The following PDE3A variants were observed in gnomAD, a reference collection of about 807,000 sequenced individuals.
PDE3A encodes phosphodiesterase 3A, also known as cGMP-inhibited 3',5'-cyclic phosphodiesterase 3A.
Under a neutral mutation model 98.3 loss-of-function variants are expected in PDE3A, and 43 were observed. The ratio of observed to expected loss-of-function variants is 0.44; its 90% CI spans 0.34 to 0.56. The LOEUF is 0.56. Ranked by LOEUF, PDE3A falls within the 20% of genes least tolerant of loss-of-function variation. The probability of loss-of-function intolerance (pLI) is 0.01; values close to 1 mark genes in which losing one functional copy is unlikely to be tolerated. For missense variants in PDE3A, 1,427 were observed against 1,440.7 expected, an observed-to-expected ratio of 0.99 and a Z score of 0.15; for synonymous variants, 663 against 567.9, an observed-to-expected ratio of 1.17 and a Z score of -2.38.
In PDE3A at chr12:20,576,835, A is replaced by G. The variant is rs531053469; in HGVS notation, c.1011+20125A>G. Among the ~76,000 whole-genome samples, 3 of 152,184 alleles carry G rather than the reference A, an allele frequency of 2.0e-5. No individual in the cohort carries two copies. The East Asian group carries it at 5.8e-4, about 29-fold the overall frequency. The stretch of plus-strand genomic sequence containing the variant: ...GATTGGCTTCTCGTTTTTTAAATGG[A>G]ATGTGTCCAGTTGACAGAATACAAG... On this transcript the variant is annotated intron_variant, in intron 2 of 15. Transcript: ENST00000359062.
In PDE3A at chr12:20,684,910, G is replaced by C. The variant is rs1306343004; in HGVS notation, c.*4639G>C. Among the ~76,000 whole-genome samples, 1 of 152,166 alleles carries C rather than the reference G, an allele frequency of 6.6e-6. No individual in the cohort carries two copies. Among genetic ancestry groups the C allele is most frequent in the African/African-American group, 2.4e-5 (1 of 41,432 alleles). On this transcript the variant is annotated 3_prime_UTR_variant, in exon 16 of 16. Transcript: ENST00000359062. ...ACGTATTTGTGTGTTTCACACCAAA[G>C]ACCCATGCTCAGAGAATGGTAACAT...
At chr12:20,568,101 C>T (rs765742560) in intron 2 of PDE3A, among the ~76,000 whole-genome samples, 6 of 151,786 alleles carry the variant, frequency 4.0e-5, no homozygotes, top group Non-Finnish European at 7.4e-5. Context: ...AGTACATCAC[C>T]AACATCATAA....
chr12:20,607,632 C>G (rs1240480015), intron 2 of PDE3A, among the ~76,000 whole-genome samples: 2 of 151,822 alleles, frequency 1.3e-5, no homozygotes, highest in Non-Finnish European at 2.9e-5. Flanking sequence ...GGGAAATACA[C>G]TTGCATTTTC....
chr12:20,484,779 TA>T (rs1235437110), intron 1 of PDE3A, among the ~76,000 whole-genome samples: 1 of 152,188 alleles, frequency 6.6e-6, no homozygotes, highest in Non-Finnish European at 1.5e-5. Flanking sequence ...GGAACATAAC[TA>T]ATAATGGTCA....
At chr12:20,620,482 C>G (rs746942606) in intron 4 of PDE3A, among the ~76,000 whole-genome samples, 61 of 152,010 alleles carry the variant, frequency 4.0e-4, no homozygotes, top group Non-Finnish European at 7.5e-4. Flanking sequence ...ATTTCAGATT[C>G]AACATGTATA....
intron 1 of PDE3A, among the ~76,000 whole-genome samples, chr12:20,372,843 A>G (rs1372834712): frequency 6.6e-6 from 1 of 152,134 alleles, no homozygotes; most frequent in East Asian, 1.9e-4. Context: ...TCCTCTTGAG[A>G]ATTTATTTGC....
intron 4 of PDE3A, 102 bp downstream of exon 4, chr12:20,616,486 T>C (rs1393554330): frequency 1.8e-6 from 2 of 1,119,532 alleles, no homozygotes; most frequent in East Asian, 2.5e-5. Context: ...TTACATTTGG[T>C]TGGAGGTCAG....
At chr12:20,670,965 G>A (rs1450246749) in intron 15 of PDE3A, among the ~76,000 whole-genome samples, 1 of 122,128 alleles carries the variant, frequency 8.2e-6, no homozygotes, top group Non-Finnish European at 1.7e-5. Context: ...GACTAATAAA[G>A]AAAAAAAGAG....
chr12:20,403,366 T>G (rs1944169489), intron 1 of PDE3A, among the ~76,000 whole-genome samples: 1 of 152,192 alleles, frequency 6.6e-6, no homozygotes, highest in African/African-American at 2.4e-5. Context: ...GTTTCTGTTT[T>G]GAAGAAGAAT....
At chr12:20,468,016 C>G (rs566659460) in intron 1 of PDE3A, among the ~76,000 whole-genome samples, 1 of 114,390 alleles carries the variant, frequency 8.7e-6, no homozygotes, top group Non-Finnish European at 1.7e-5. Context: ...TCTTGAAACA[C>G]TTATAAAATT....
At chr12:20,424,085 G>A (rs569270104) in intron 1 of PDE3A, among the ~76,000 whole-genome samples, 1 of 151,740 alleles carries the variant, frequency 6.6e-6, no homozygotes, top group South Asian at 2.1e-4. Context: ...GCAGTTTCAT[G>A]CATAACCGTA....
chr12:20,444,595 A>G (rs570608398), intron 1 of PDE3A, among the ~76,000 whole-genome samples: 74 of 152,296 alleles, frequency 4.9e-4, no homozygotes, highest in Middle Eastern at 3.4e-3. Flanking sequence ...TTGACAACAA[A>G]TTATTGACAT....
chr12:20,662,551 G>A (rs1945199829), intron 15 of PDE3A, among the ~76,000 whole-genome samples: 1 of 152,194 alleles, frequency 6.6e-6, no homozygotes, highest in African/African-American at 2.4e-5. Flanking sequence ...CAAGGAAACT[G>A]GTGGCATTTT....
chr12:20,431,730 T>A (rs1009796481), intron 1 of PDE3A, among the ~76,000 whole-genome samples: 1 of 152,198 alleles, frequency 6.6e-6, no homozygotes, highest in Non-Finnish European at 1.5e-5. Flanking sequence ...TATACTTCAA[T>A]TATTTGAAAT....
At chr12:20,633,141 G>A (rs192449810) in intron 6 of PDE3A, among the ~76,000 whole-genome samples, 7 of 151,978 alleles carry the variant, frequency 4.6e-5, no homozygotes, top group South Asian at 2.1e-4. Context: ...AGTAGAGATG[G>A]GATTTCACCA....
chr12:20,401,023 C>T (rs1443302832), intron 1 of PDE3A, among the ~76,000 whole-genome samples: 1 of 152,178 alleles, frequency 6.6e-6, no homozygotes, highest in Admixed American at 6.5e-5. Context: ...CCGGGTCTGT[C>T]TTGTGCTGAT....
rs565425568 is a variant in PDE3A, at chr12:20,685,814, T to TGATTTCC, written c.*5544_*5550dup. 1.6e-3 allele frequency among the ~76,000 whole-genome samples: 239 copies of TGATTTCC among 152,300 alleles called. 2 individuals are homozygous for TGATTTCC. The highest frequency in any genetic ancestry group is 5.6e-3 in the African/African-American group (234 of 41,572). On this transcript the variant is annotated 3_prime_UTR_variant, in exon 16 of 16. Coordinates refer to ENST00000359062, the MANE Select transcript of PDE3A (RefSeq NM_000921.5). ...TGTTCATGTTCTGACAATGAAGCAA[T>TGATTTCC]GATTTCCTCATTGCTTTGCATTAAG...
intron 1 of PDE3A, among the ~76,000 whole-genome samples, chr12:20,418,167 T>C (rs1944453379): frequency 1.3e-5 from 2 of 152,178 alleles, no homozygotes; most frequent in Admixed American, 6.5e-5. Flanking sequence ...CACTGCCTAG[T>C]CCTTGGGTGT....
At chr12:20,457,739 A>G (rs940271928) in intron 1 of PDE3A, among the ~76,000 whole-genome samples, 3 of 152,006 alleles carry the variant, frequency 2.0e-5, no homozygotes, top group African/African-American at 7.2e-5. Context: ...CTGTTAAAAA[A>G]TAACTTGTAA....
Sources: gnomAD v4.1 joint callset for allele counts (sites outside exome capture counted in the v4.1 genomes callset) on GRCh38, gnomAD v4.1.1 for gene constraint, MANE v1.5 for transcripts, NCBI Gene and HGNC (gene_info 2026-07-23, HGNC 2026-07-21) for gene names.